OSBPL10: variants seen among roughly 807,000 people sequenced by gnomAD.
OSBPL10 encodes the protein oxysterol-binding protein-related protein 10.
A neutral mutation model predicts 81.7 loss-of-function variants in OSBPL10; 49 were observed. The observed-to-expected ratio is 0.60, with a 90% CI of 0.48 to 0.76. OSBPL10 has a LOEUF of 0.76. Ranked by LOEUF, OSBPL10 falls within the 30% of genes least tolerant of loss-of-function variation. The pLI, the probability that OSBPL10 is intolerant of heterozygous loss-of-function variation, is 0.00. For synonymous variants in OSBPL10, 419 were observed against 383.6 expected, an observed-to-expected ratio of 1.09 and a Z score of -1.08; for missense variants, 923 against 987.8, an observed-to-expected ratio of 0.93 and a Z score of 0.88.
intron 1 of OSBPL10, among the ~76,000 whole-genome samples, chr3:31,881,707 T>C (rs1201380043): frequency 6.6e-6 from 1 of 152,228 alleles, no homozygotes; most frequent in Non-Finnish European, 1.5e-5. Flanking sequence ...TTCAAATAGC[T>C]ACTGAGTTGT....
intron 1 of OSBPL10, among the ~76,000 whole-genome samples, chr3:31,882,343 C>T (rs935732062): frequency 2.6e-5 from 4 of 152,130 alleles, no homozygotes; most frequent in African/African-American, 4.8e-5. Context: ...CGTGGATAAA[C>T]GAAGACGCAA....
chr3:31,764,488 G>A (rs530567668), intron 4 of OSBPL10, among the ~76,000 whole-genome samples: 6 of 152,316 alleles, frequency 3.9e-5, no homozygotes, highest in African/African-American at 1.4e-4. Flanking sequence ...AACAGGGGAA[G>A]AAGAGAAGGG....
At chr3:31,712,640 C>T (rs563476164) in intron 6 of OSBPL10, among the ~76,000 whole-genome samples, 1 of 152,332 alleles carries the variant, frequency 6.6e-6, no homozygotes, top group Admixed American at 6.5e-5. Flanking sequence ...GAAAGCAATG[C>T]AGCCCTGCCA....
chr3:31,694,196 C>T (rs1175114989), intron 7 of OSBPL10, among the ~76,000 whole-genome samples: 4 of 151,994 alleles, frequency 2.6e-5, no homozygotes, highest in African/African-American at 7.2e-5. Context: ...CATGGTGAAA[C>T]CTCATCTCTA....
intron 1 of OSBPL10, among the ~76,000 whole-genome samples, chr3:31,971,139 C>CT (rs56785817): frequency 0.014 from 1,672 of 119,292 alleles, 13 homozygotes; most frequent in Non-Finnish European, 0.023. Flanking sequence ...TTTCTTTTTT[C>CT]TTTTTTTTTT....
intron 2 of OSBPL10, among the ~76,000 whole-genome samples, chr3:32,026,057 T>TGATAGATAGATGATTGATA (rs1699406473): frequency 9.0e-6 from 1 of 111,346 alleles, no homozygotes; most frequent in South Asian, 3.4e-4. Flanking sequence ...GATAGATAGA[T>TGATAGATAGATGATTGATA]GATAGATAGA....
At chr3:31,802,328 C>T (rs951522316) in intron 4 of OSBPL10, among the ~76,000 whole-genome samples, 12 of 151,016 alleles carry the variant, frequency 7.9e-5, no homozygotes, top group African/African-American at 2.7e-4. Context: ...GAGGCCAAGG[C>T]GGACAGATCA....
rs112990726 is a variant in OSBPL10 at position 32,052,246 on chromosome 3, CAA to C, written n.186-5645_186-5644del. On this transcript the variant is annotated intron_variant and non_coding_transcript_variant, in intron 1 of 3. Transcript: ENST00000479173. Reference sequence around the variant, plus strand: ...TGAGTGACAGAATAAGATCCTGTCACAAAAAAAAAAAAAGCAAAATAAAGATT... The same window carrying C: ...TGAGTGACAGAATAAGATCCTGTCACAAAAAAAAAAAGCAAAATAAAGATT... 1.7e-3 allele frequency among the ~76,000 whole-genome samples: 150 copies of C among 90,018 alleles called. 3 individuals carry two copies. Among genetic ancestry groups the C allele is most frequent in the African/African-American group, 3.3e-3 (87 of 26,230 alleles). 59.1% of individuals were successfully genotyped at this position (90,018 alleles called of 152,430 possible).
chr3:32,053,377 T>C (rs1269215141), intron 1 of OSBPL10, among the ~76,000 whole-genome samples: 30 of 152,200 alleles, frequency 2.0e-4, no homozygotes, highest in Non-Finnish European at 4.4e-5. Flanking sequence ...AAATTAACCT[T>C]ATAAAAGAAA....
At chr3:31,949,253 A>C (rs997883865) in intron 1 of OSBPL10, among the ~76,000 whole-genome samples, 2 of 152,206 alleles carry the variant, frequency 1.3e-5, no homozygotes, top group African/African-American at 2.4e-5. Context: ...AGACAAGTTA[A>C]AATAGCAACA....
chr3:31,848,200 T>C (rs1700679669), intron 3 of OSBPL10, among the ~76,000 whole-genome samples: 1 of 151,992 alleles, frequency 6.6e-6, no homozygotes, highest in Non-Finnish European at 1.5e-5. Flanking sequence ...TTCTATATAC[T>C]CCGGCACAAC....
chr3:31,752,000 T>C (rs990185210), intron 4 of OSBPL10, among the ~76,000 whole-genome samples: 5 of 152,206 alleles, frequency 3.3e-5, no homozygotes, highest in Non-Finnish European at 7.3e-5. Context: ...GTTTTAGCTA[T>C]GTCCATCTCT....
At chr3:31,720,881 C>CA (rs61492992) in intron 6 of OSBPL10, among the ~76,000 whole-genome samples, 5,034 of 63,560 alleles carry the variant, frequency 0.079, 309 homozygotes, top group African/African-American at 0.18. Context: ...GACTCTGTCT[C>CA]AAAAAAAAAA....
intron 9 of OSBPL10, among the ~76,000 whole-genome samples, chr3:31,669,416 C>T (rs1310087534): frequency 6.6e-6 from 1 of 152,018 alleles, no homozygotes; most frequent in Non-Finnish European, 1.5e-5. Context: ...ATCCTTAAAT[C>T]AGGTCTATTT....
chr3:31,914,554 A>G (rs757088935), intron 1 of OSBPL10, among the ~76,000 whole-genome samples: 5 of 152,122 alleles, frequency 3.3e-5, no homozygotes, highest in Non-Finnish European at 5.9e-5. Context: ...GTCACAGCAA[A>G]AATATATCCA....
intron 2 of OSBPL10, among the ~76,000 whole-genome samples, chr3:32,045,697 G>C (rs964091211): frequency 6.6e-6 from 1 of 152,174 alleles, no homozygotes. Context: ...GGGGGAGGGG[G>C]TGGCTCACAA....
chr3:31,847,806 A>C (rs2125568652), intron 3 of OSBPL10, among the ~76,000 whole-genome samples: 1 of 152,190 alleles, frequency 6.6e-6, no homozygotes, highest in Middle Eastern at 3.4e-3. Flanking sequence ...GATCAGCAAC[A>C]TGGGAAACTA....
At chr3:31,997,784 T>TTTTG (rs898974254) in intron 2 of OSBPL10, among the ~76,000 whole-genome samples, 3 of 151,982 alleles carry the variant, frequency 2.0e-5, no homozygotes, top group African/African-American at 7.2e-5. Flanking sequence ...TTTTGTTTTG[T>TTTTG]TTTGTTTTTG....
intron 4 of OSBPL10, among the ~76,000 whole-genome samples, chr3:31,773,186 C>T (rs895108564): frequency 6.6e-6 from 1 of 152,138 alleles, no homozygotes; most frequent in African/African-American, 2.4e-5. Context: ...GCCTCACATA[C>T]AGATTGGCAA....
Sources: gnomAD v4.1 joint callset for allele counts (sites outside exome capture counted in the v4.1 genomes callset) on GRCh38, gnomAD v4.1.1 for gene constraint, MANE v1.5 for transcripts, NCBI Gene and HGNC (gene_info 2026-07-23, HGNC 2026-07-21) for gene names.